GPATCH11: variants seen among roughly 807,000 people sequenced by gnomAD.
The protein encoded by GPATCH11 is G-patch domain containing 11, also known as G patch domain-containing protein 11.
A neutral mutation model predicts 44.8 loss-of-function variants in GPATCH11; 32 were observed. That is an observed-to-expected ratio of 0.71 (90% CI 0.54 to 0.96). GPATCH11 has a LOEUF of 0.96. Ranked by LOEUF, GPATCH11 falls within the 40% of genes least tolerant of loss-of-function variation. GPATCH11 has a pLI of 0.00. For synonymous variants in GPATCH11, 84 were observed against 94.4 expected (o/e 0.89, Z 0.64); for missense variants, 324 against 303.1 (o/e 1.07, Z -0.51).
At chr2:37,091,887 T>C in intron 4 of GPATCH11, 29 bp from the exon 5 acceptor site, 1 of 1,599,600 alleles carries the variant, frequency 6.3e-7, no homozygotes, top group Non-Finnish European at 8.5e-7. Context: ...AGTCAGGATG[T>C]TTCTCATCAG....
At chr2:37,086,289 C>G (rs188825720) in intron 1 of GPATCH11, among the ~76,000 whole-genome samples, 1 of 152,164 alleles carries the variant, frequency 6.6e-6, no homozygotes, top group African/African-American at 2.4e-5. Flanking sequence ...GTTTTCTGTA[C>G]GTATTTAAAA....
chr2:37,094,344 T>C, intron 7 of GPATCH11, 149 bp downstream of exon 7: 1 of 563,214 alleles, frequency 1.8e-6, no homozygotes, highest in East Asian at 3.0e-5. Context: ...AGATACCAGT[T>C]GCACTTTTGC....
chr2:37,084,628 G>A, intron 1 of GPATCH11, 58 bp downstream of exon 1: 1 of 1,208,356 alleles, frequency 8.3e-7, no homozygotes, highest in Non-Finnish European at 1.0e-6. Flanking sequence ...AAAAGGCAGA[G>A]TGCGCTGGCC....
intron 1 of GPATCH11, among the ~76,000 whole-genome samples, chr2:37,086,361 C>CT (rs1673049737): frequency 6.6e-6 from 1 of 152,136 alleles, no homozygotes; most frequent in African/African-American, 2.4e-5. Context: ...ATTAAAGACC[C>CT]TTTTTATCCT....
intron 2 of GPATCH11, 29 bp from the exon 3 acceptor site, chr2:37,089,611 C>T (rs1673214346): frequency 3.0e-6 from 4 of 1,355,528 alleles, no homozygotes; most frequent in Non-Finnish European, 3.1e-6. Flanking sequence ...TTTATGGACT[C>T]ATCTAAAATA....
rs781315608 is a variant in GPATCH11 at position 37,096,228 on chromosome 2, A to G, written c.757A>G (p.Asn253Asp). The G allele has an allele frequency of 6.3e-7, 1 of 1,588,480 alleles. No individual in the cohort carries two copies. The highest frequency in any genetic ancestry group is 1.2e-5 in the South Asian group (1 of 86,048). Residue 253 changes from asparagine (N) to aspartate (D), a missense_variant, in exon 9 of 9, where the codon AAT (asparagine) becomes GAT (aspartate). Asn to Asp is a conservative substitution (Grantham distance 23, BLOSUM62 1). Transcript: ENST00000674370. ...TACAGATAAAGAAGACCTATCTTCA[A>G]ATTGTCCAGGACCAACTTCTGCAGA... ...AYEDKEDLSS[N>D]CPGPTSADHD
chr2:37,096,234 C>G lies in GPATCH11; in HGVS notation c.763C>G (p.Pro255Ala). Residue 255 changes from proline to alanine, a missense_variant, in exon 9 of 9, where the codon CCA (proline) becomes GCA (alanine). Coordinates refer to ENST00000674370, the MANE Select transcript of GPATCH11 (RefSeq NM_174931.4). Reference protein sequence around the residue: ...EDKEDLSSNCPGPTSADHD With the variant: ...EDKEDLSSNCAGPTSADHD ...TAAAGAAGACCTATCTTCAAATTGT[C>G]CAGGACCAACTTCTGCAGATCATGA... is the stretch of plus-strand genomic sequence containing the variant. 6.3e-7 allele frequency: 1 copy of G among 1,588,598 alleles called. No individual in the cohort carries two copies. The highest frequency in any genetic ancestry group is 2.3e-5 in the East Asian group (1 of 44,386).
rs1673702625 is a variant in GPATCH11, at chr2:37,098,390, A to AGC, written c.*2128_*2129dup. On this transcript the variant is annotated 3_prime_UTR_variant, in exon 9 of 9. Coordinates refer to ENST00000674370, the MANE Select transcript of GPATCH11 (RefSeq NM_174931.4). The stretch of plus-strand genomic sequence containing the variant: ...TATATAGAGAGAGAGAGAGAGAGAG[A>AGC]GCTATTAATAAAACAGAGGAGTACA... The AGC allele has an allele frequency of 6.7e-6, 1 of 148,384 alleles. No homozygotes were observed. The highest frequency in any genetic ancestry group is 6.8e-5 in the Admixed American group (1 of 14,806). The allele number at this position is 148,384 out of a possible 1,614,324, so 9.2% of individuals were successfully genotyped here. A position where few individuals can be genotyped will look rare whatever the true frequency, so the allele number is the denominator to read the frequency against.
intron 7 of GPATCH11, among the ~76,000 whole-genome samples, chr2:37,094,866 G>A (rs1157954293): frequency 5.3e-5 from 8 of 151,706 alleles, no homozygotes; most frequent in Non-Finnish European, 7.4e-5. Context: ...ACGTGAGCCC[G>A]GGAGGCAGAG....
chr2:37,087,227 G>A (rs1572975084), intron 1 of GPATCH11, among the ~76,000 whole-genome samples: 1 of 152,136 alleles, frequency 6.6e-6, no homozygotes, highest in Non-Finnish European at 1.5e-5. Context: ...GACCATCTTT[G>A]TGCCCAAGGA....
At chr2:37,093,491 A>C (rs550131733) in intron 6 of GPATCH11, among the ~76,000 whole-genome samples, 6 of 152,274 alleles carry the variant, frequency 3.9e-5, no homozygotes, top group Admixed American at 6.5e-5. Flanking sequence ...CTGTTCTTAC[A>C]TATTACTTTA....
rs1673665382 is a variant in GPATCH11 at position 37,097,892 on chromosome 2, A to T, written c.*1629A>T. The stretch of plus-strand genomic sequence containing the variant: ...AAAATGCAGCCTACCTTGAGCCACT[A>T]ATCTAGTTAACTTCTGGGCCTCAGT... On this transcript the variant is annotated 3_prime_UTR_variant, in exon 9 of 9. Coordinates refer to ENST00000674370, the MANE Select transcript of GPATCH11 (RefSeq NM_174931.4). 1 of 152,200 alleles carries T rather than the reference A, an allele frequency of 6.6e-6. No individual in the cohort carries two copies. Among genetic ancestry groups the T allele is most frequent in the South Asian group, 2.1e-4 (1 of 4,834 alleles). 9.4% of individuals were successfully genotyped at this position (152,200 alleles called of 1,614,324 possible).
intron 1 of GPATCH11, among the ~76,000 whole-genome samples, chr2:37,087,718 A>G (rs988633190): frequency 3.9e-5 from 6 of 152,182 alleles, no homozygotes; most frequent in African/African-American, 1.4e-4. Flanking sequence ...GCCTTGGCCT[A>G]CAGGGAAGAA....
At position 37,084,551 on chromosome 2, in the gene GPATCH11, G is replaced by A. The variant is rs550169999; in HGVS notation, c.-33G>A. On this transcript the variant is annotated 5_prime_UTR_variant, in exon 1 of 9. Transcript: ENST00000674370. ...CGCGCGCTCTACGGCGCTGAACCGG[G>A]GCGAGCAGAGAGCTGTCAGGTAAGA... The A allele has an allele frequency of 4.3e-5, 53 of 1,231,256 alleles. No individual in the cohort carries two copies. In the African/African-American group the frequency reaches 7.4e-4, roughly 17 times the overall value. The allele number at this position is 1,231,256 out of a possible 1,614,324, so 76.3% of individuals were successfully genotyped here.
intron 3 of GPATCH11, among the ~76,000 whole-genome samples, 158 bp from the exon 4 acceptor site, chr2:37,090,519 ATAAT>A (rs1399564057): frequency 2.0e-5 from 3 of 152,170 alleles, no homozygotes; most frequent in African/African-American, 7.2e-5. Flanking sequence ...GACAAGGTAG[ATAAT>A]TGATTATATA....
rs757707886 is a variant in GPATCH11 at position 37,088,419 on chromosome 2, C to G, written c.38C>G (p.Ser13Cys). The change falls in exon 2 of 9, where the codon TCT (serine) becomes TGT (cysteine). Residue 13 changes from serine (S) to cysteine (C), a missense_variant. Transcript: ENST00000674370. ...LNMAEEEDYM[S>C]DSFINVQEDI... is the part of the protein sequence containing the mutation. ...ATGGCAGAAGAAGAGGACTATATGT[C>G]TGATTCCTTCATTAATGTCCAGTAA... 1.9e-6 allele frequency: 3 copies of G among 1,565,994 alleles called. No homozygotes were observed. Among genetic ancestry groups the G allele is most frequent in the African/African-American group, 1.4e-5 (1 of 73,994 alleles).
In GPATCH11 at chr2:37,096,387, G is replaced by T; in HGVS notation, c.*124G>T. ...AAAGGGGGACTTTATATAATGTTTT[G>T]TTCTTTTTGTACTTTAGAATATGAA... On this transcript the variant is annotated 3_prime_UTR_variant, in exon 9 of 9. Coordinates refer to ENST00000674370, the MANE Select transcript of GPATCH11 (RefSeq NM_174931.4). 1 of 653,940 alleles carries T rather than the reference G, an allele frequency of 1.5e-6. No individual in the cohort carries two copies. Among genetic ancestry groups the T allele is most frequent in the Non-Finnish European group, 2.7e-6 (1 of 370,190 alleles). 40.5% of individuals were successfully genotyped at this position (653,940 alleles called of 1,614,324 possible). A position where few individuals can be genotyped will look rare whatever the true frequency, so the allele number is the denominator to read the frequency against.
chr2:37,092,628 T>A (rs1673392100), intron 6 of GPATCH11, among the ~76,000 whole-genome samples: 1 of 150,724 alleles, frequency 6.6e-6, no homozygotes, highest in Non-Finnish European at 1.5e-5. Flanking sequence ...GTTGTCTGGG[T>A]TACTATAAAA....
At chr2:37,094,921 A>G (rs1021005785) in intron 7 of GPATCH11, among the ~76,000 whole-genome samples, 1 of 151,304 alleles carries the variant, frequency 6.6e-6, no homozygotes, top group Non-Finnish European at 1.5e-5. Context: ...AGCCTAGGTG[A>G]TAGACCGAGA....
Sources: allele counts gnomAD v4.1 joint callset (sites outside exome capture counted in the v4.1 genomes callset), GRCh38; gene constraint gnomAD v4.1.1; transcripts MANE v1.5; gene names NCBI Gene and HGNC (gene_info 2026-07-23, HGNC 2026-07-21).